Variants in USP20 observed in about 807,000 individuals in gnomAD.
USP20 encodes ubiquitin carboxyl-terminal hydrolase 20.
Under a neutral mutation model 124.2 loss-of-function variants are expected in USP20, and 80 were observed. The observed-to-expected ratio is 0.64, with a 90% CI of 0.54 to 0.78. The LOEUF is 0.78. Ranked by LOEUF, USP20 falls within the 30% of genes least tolerant of loss-of-function variation. USP20 has a pLI of 0.00. For missense variants in USP20, 1,043 were observed against 1,244.4 expected, an observed-to-expected ratio of 0.84 and a Z score of 2.44; for synonymous variants, 481 against 512.3, an observed-to-expected ratio of 0.94 and a Z score of 0.83.
intron 11 of USP20, 112 bp downstream of exon 11, chr9:129,868,561 C>G: frequency 6.9e-7 from 1 of 1,448,320 alleles, no homozygotes; most frequent in Non-Finnish European, 9.1e-7. Context: ...TCACTAGACC[C>G]GAATGACAGT....
At chr9:129,876,093 G>A (rs770526056) in intron 21 of USP20, 37 bp from the exon 22 acceptor site, 13 of 1,568,146 alleles carry the variant, frequency 8.3e-6, no homozygotes, top group South Asian at 1.1e-5. Flanking sequence ...CTGGTACCCC[G>A]CTCAGGCCGT....
At chr9:129,857,525 C>T (rs774165057) in intron 4 of USP20, among the ~76,000 whole-genome samples, 4 of 152,110 alleles carry the variant, frequency 2.6e-5, no homozygotes, top group African/African-American at 4.8e-5. Context: ...TAGGAGAGTG[C>T]GAGGGCAAAG....
In USP20 at chr9:129,879,257, A is replaced by C. The variant is rs1181875193; in HGVS notation, c.2513-316A>C. Reference sequence around the variant, plus strand: ...CCTCTGTCTTGTCCTGTGGTTGCCGAGGCTAAATGAGATAGCTGGGCAGAG... The same window carrying C: ...CCTCTGTCTTGTCCTGTGGTTGCCGCGGCTAAATGAGATAGCTGGGCAGAG... On this transcript the variant is annotated intron_variant, in intron 23 of 25. Coordinates refer to ENST00000372429, the MANE Select transcript of USP20 (RefSeq NM_001110303.4). The surrounding 1 kb of genome is among the most constrained non-coding windows in gnomAD (Gnocchi z 4.2). The C allele has an allele frequency of 2.8e-6, 1 of 359,672 alleles. No homozygotes were observed. Among genetic ancestry groups the C allele is most frequent in the African/African-American group, 2.1e-5 (1 of 47,882 alleles). 22.3% of individuals were successfully genotyped at this position (359,672 alleles called of 1,614,324 possible).
Position 129,852,008 on chromosome 9 carries a change from C to G in USP20, c.-16-532C>G, listed in dbSNP as rs186403324. 1.0e-3 allele frequency among the ~76,000 whole-genome samples: 158 copies of G among 152,304 alleles called. 4 individuals are homozygous for G. In the East Asian group the frequency reaches 0.024, roughly 23 times the overall value. On this transcript the variant is annotated intron_variant, in intron 2 of 25. Coordinates refer to ENST00000372429, the MANE Select transcript of USP20 (RefSeq NM_001110303.4). ...TTCAAACCTCACTCCGCAGGGGGCT[C>G]CCACAAGACGTGGGATAAGTGGTCT... is the stretch of plus-strand genomic sequence containing the variant.
chr9:129,869,748 C>T lies in USP20; in HGVS notation c.1469C>T (p.Ser490Leu), dbSNP rs767472259. 1 of 1,614,080 alleles carries T rather than the reference C, an allele frequency of 6.2e-7. No individual in the cohort carries two copies. Among genetic ancestry groups the T allele is most frequent in the South Asian group, 1.1e-5 (1 of 91,084 alleles). The change falls in exon 14 of 26, where the codon TCA becomes TTA. Residue 490 changes from serine to leucine, a missense_variant. Physicochemically the swap from Ser to Leu is moderately radical, Grantham distance 145. Coordinates refer to ENST00000372429, the MANE Select transcript of USP20 (RefSeq NM_001110303.4). Reference protein sequence around the residue: ...PGKEDLAKLHSAIYQNVPAKP... With the variant: ...PGKEDLAKLHLAIYQNVPAKP... ...AAGGAGGACCTGGCCAAGCTCCATT[C>T]AGCCATCTACCAGAATGTGCCGGCC...
chr9:129,855,157 C>T (rs536418029), intron 3 of USP20, among the ~76,000 whole-genome samples: 110 of 152,214 alleles, frequency 7.2e-4, no homozygotes, highest in Middle Eastern at 6.8e-3. Context: ...GTGGGCTGGG[C>T]ACGGTGGCTC....
Position 129,861,158 on chromosome 9 carries a change from C to T in USP20, c.427+125C>T, listed in dbSNP as rs567929313. On this transcript the variant is annotated intron_variant, in intron 7 of 25. Coordinates refer to ENST00000372429, the MANE Select transcript of USP20 (RefSeq NM_001110303.4). Reference sequence around the variant, plus strand: ...ATATGGGCAAGGAAGGATGGGGTGACGGATAAGCTGTTTAGCATGGTGGCT... The same window carrying T: ...ATATGGGCAAGGAAGGATGGGGTGATGGATAAGCTGTTTAGCATGGTGGCT... The T allele has an allele frequency of 1.2e-5, 11 of 913,586 alleles. No individual in the cohort carries two copies. The African/African-American group carries it at 1.3e-4, about 11-fold the overall frequency. The allele number at this position is 913,586 out of a possible 1,614,324, so 56.6% of individuals were successfully genotyped here. A position where few individuals can be genotyped will look rare whatever the true frequency, so the allele number is the denominator to read the frequency against.
intron 6 of USP20, among the ~76,000 whole-genome samples, chr9:129,859,289 T>TATTTTATTTTATTTTATTTTATTTTA (rs1325985308): frequency 8.4e-5 from 1 of 11,942 alleles, no homozygotes; most frequent in Admixed American, 1.2e-3. Flanking sequence ...ATTTTAATTT[T>TATTTTATTTTATTTTATTTTATTTTA]TTGAGACCGA....
At chr9:129,838,698 A>G (rs7033443) in intron 1 of USP20, among the ~76,000 whole-genome samples, 28,570 of 152,084 alleles carry the variant, frequency 0.19, 3,214 homozygotes, top group South Asian at 0.26. Context: ...TGATTTTCCT[A>G]GTTCTTAGTT....
In USP20 at chr9:129,873,080, C is replaced by CTTTTTTTTTTTTT. The variant is rs59712662; in HGVS notation, c.1661-395_1661-383dup. Reference sequence around the variant, plus strand: ...TTTATTTCTTTTTCTTTTTCTTCTTCTTTTTTTTTTTTTTTTTTTGAGATG... The same window carrying CTTTTTTTTTTTTT: ...TTTATTTCTTTTTCTTTTTCTTCTTCTTTTTTTTTTTTTTTTTTTTTTTTTTTTTTTTGAGATG... On this transcript the variant is annotated intron_variant, in intron 15 of 25. Transcript: ENST00000372429. Among the ~76,000 whole-genome samples, 43 of 78,340 alleles carry CTTTTTTTTTTTTT rather than the reference C, an allele frequency of 5.5e-4. 4 individuals are homozygous for CTTTTTTTTTTTTT. The highest frequency in any genetic ancestry group is 6.5e-4 in the Non-Finnish European group (28 of 42,974). The allele number at this position is 78,340 out of a possible 152,430, so 51.4% of individuals were successfully genotyped here. A position where few individuals can be genotyped will look rare whatever the true frequency, so the allele number is the denominator to read the frequency against.
At chr9:129,849,096 G>T (rs75950270) in intron 1 of USP20, among the ~76,000 whole-genome samples, 1 of 152,190 alleles carries the variant, frequency 6.6e-6, no homozygotes, top group Admixed American at 6.5e-5. Flanking sequence ...GAGGGGCCTG[G>T]TGGCATGTGT....
intron 17 of USP20, among the ~76,000 whole-genome samples, 179 bp downstream of exon 17, chr9:129,873,923 C>T (rs964358762): frequency 1.3e-4 from 20 of 152,098 alleles, no homozygotes; most frequent in African/African-American, 4.3e-4. Flanking sequence ...CACATTTTTC[C>T]AACTGTGACT....
Position 129,861,125 on chromosome 9 carries a change from C to T in USP20, c.427+92C>T, listed in dbSNP as rs897918966. 1.4e-5 allele frequency: 17 copies of T among 1,182,268 alleles called. No individual in the cohort carries two copies. In the African/African-American group the frequency reaches 2.0e-4, roughly 14 times the overall value. 73.2% of individuals were successfully genotyped at this position (1,182,268 alleles called of 1,614,324 possible). A position where few individuals can be genotyped will look rare whatever the true frequency, so the allele number is the denominator to read the frequency against. On this transcript the variant is annotated intron_variant, in intron 7 of 25. Transcript: ENST00000372429. ...CCGCCAGAGTCTTGGTCTCTATTTG[C>T]ACCTGCTATATGGGCAAGGAAGGAT...
chr9:129,880,569 T>C lies in USP20; in HGVS notation c.*119T>C, dbSNP rs3739858. 0.016 allele frequency: 6,411 copies of C among 412,166 alleles called. 68 individuals are homozygous for C. The highest frequency in any genetic ancestry group is 0.03 in the Middle Eastern group (42 of 1,422). 25.5% of individuals were successfully genotyped at this position (412,166 alleles called of 1,614,324 possible). On this transcript the variant is annotated 3_prime_UTR_variant, in exon 26 of 26. Transcript: ENST00000372429. ...AAGAGGCAGAAAAGTTGGTTTGGTT[T>C]GCAGTAACGCTGCAACTAGAAAATA... is the stretch of plus-strand genomic sequence containing the variant.
At position 129,875,555 on chromosome 9, in the gene USP20, C is replaced by T. The variant is rs377007111; in HGVS notation, c.2219-5C>T. 8 of 1,614,106 alleles carry T rather than the reference C, an allele frequency of 5.0e-6. No individual in the cohort carries two copies. The African/African-American group carries it at 9.3e-5, about 19-fold the overall frequency. ...ACAGCTTCGCTCCCTGTACCTTCTT[C>T]CCAGGCATCCCGCCCCACAAATACC... On this transcript the variant is annotated splice_region_variant and splice_polypyrimidine_tract_variant and intron_variant, in intron 20 of 25. Transcript: ENST00000372429.
chr9:129,848,041 T>A (rs4545195), intron 1 of USP20, among the ~76,000 whole-genome samples: 21,865 of 152,174 alleles, frequency 0.14, 2,065 homozygotes, highest in African/African-American at 0.26. Flanking sequence ...CTCACGCCTG[T>A]AATCCCAGCA....
chr9:129,845,983 GGT>G (rs2032515920), intron 1 of USP20, among the ~76,000 whole-genome samples: 1 of 151,814 alleles, frequency 6.6e-6, no homozygotes, highest in Non-Finnish European at 1.5e-5. Context: ...GGAGCGCAGT[GGT>G]GCGATCTCGG....
intron 1 of USP20, among the ~76,000 whole-genome samples, chr9:129,847,232 C>T (rs997991683): frequency 2.6e-5 from 4 of 152,024 alleles, no homozygotes; most frequent in Non-Finnish European, 5.9e-5. Flanking sequence ...AGCAGCTGCA[C>T]CATTTCACAT....
intron 8 of USP20, among the ~76,000 whole-genome samples, chr9:129,861,991 T>G (rs1466017575): frequency 6.6e-6 from 1 of 151,876 alleles, no homozygotes; most frequent in African/African-American, 2.4e-5. Flanking sequence ...AAAAAGGAGG[T>G]TATAAAGCAT....
Sources: gnomAD v4.1 joint callset for allele counts (sites outside exome capture counted in the v4.1 genomes callset) on GRCh38, gnomAD v4.1.1 for gene constraint, Gnocchi (gnomAD v3.1) non-coding constraint, MANE v1.5 for transcripts, NCBI Gene and HGNC (gene_info 2026-07-23, HGNC 2026-07-21) for gene names.